The following FAM53A variants were observed in gnomAD, a reference collection of about 807,000 sequenced individuals.
FAM53A encodes the protein family with sequence similarity 53 member A, also known as protein FAM53A.
A neutral mutation model predicts 26.6 loss-of-function variants in FAM53A; 28 were observed. That is an observed-to-expected ratio of 1.05 (90% CI 0.78 to 1.45). The LOEUF is 1.45. Ranked by LOEUF, FAM53A falls within the 40% of genes most tolerant of loss-of-function variation. The pLI is 0.00. For synonymous variants in FAM53A, 290 were observed against 253.1 expected (o/e 1.15, Z -1.38); for missense variants, 650 against 575.8 (o/e 1.13, Z -1.32).
chr4:1,680,319 CAAAAAAAAAAAAAAA>C lies in FAM53A; in HGVS notation c.-165+3899_-165+3913del, dbSNP rs143458191. Among the ~76,000 whole-genome samples the C allele has an allele frequency of 2.8e-4, 23 of 82,662 alleles. 1 individual carries two copies. Among genetic ancestry groups the C allele is most frequent in the African/African-American group, 6.6e-4 (11 of 16,720 alleles). 54.2% of individuals were successfully genotyped at this position (82,662 alleles called of 152,430 possible). ...GGGCAACGAGAGTGAAACTCCGTCT[CAAAAAAAAAAAAAAA>C]AAAAAAAAAAACACACCACTACACA... On this transcript the variant is annotated intron_variant, in intron 1 of 4. Transcript: ENST00000308132.
the FAM53A span, among the ~76,000 whole-genome samples, chr4:1,599,224 G>A: frequency 6.8e-6 from 1 of 146,658 alleles, no homozygotes. The surrounding 1 kb of genome is among the most constrained non-coding windows in gnomAD (Gnocchi z 6.1). Flanking sequence ...GGGTGCCGGA[G>A]CGCAGGGCCG....
intron 4 of FAM53A, among the ~76,000 whole-genome samples, chr4:1,651,964 C>G (rs77181979): frequency 2.6e-5 from 4 of 151,048 alleles, no homozygotes; most frequent in Non-Finnish European, 4.4e-5. Context: ...CACACACACA[C>G]CATGCACGCA....
At chr4:1,652,226 C>CT (rs1712893984) in intron 4 of FAM53A, among the ~76,000 whole-genome samples, 1 of 132,356 alleles carries the variant, frequency 7.6e-6, no homozygotes, top group Non-Finnish European at 1.7e-5. Flanking sequence ...ACACCACACA[C>CT]ACTAGTCGCA....
chr4:1,625,728 G>T (rs879628512), intron 1 of FAM53A, among the ~76,000 whole-genome samples: 1 of 132,524 alleles, frequency 7.5e-6, no homozygotes, highest in Non-Finnish European at 1.6e-5. Flanking sequence ...TCAGGGTCAC[G>T]CCAGGTGATC....
chr4:1,607,539 A>G, the FAM53A span, among the ~76,000 whole-genome samples: 7 of 151,970 alleles, frequency 4.6e-5, no homozygotes, highest in East Asian at 1.9e-4. Flanking sequence ...TGAATTTTCC[A>G]TATCACATCC....
chr4:1,650,456 C>G (rs961026154), intron 4 of FAM53A, among the ~76,000 whole-genome samples: 1 of 150,558 alleles, frequency 6.6e-6, no homozygotes, highest in African/African-American at 2.4e-5. Flanking sequence ...TGAGGTGGCA[C>G]AGGCGTGGTG....
intron 3 of FAM53A, 147 bp from the exon 4 acceptor site, chr4:1,655,870 G>A (rs1008433816): frequency 2.0e-6 from 2 of 975,854 alleles, no homozygotes; most frequent in African/African-American, 3.4e-5. Flanking sequence ...AGATGTCCGT[G>A]GCGCACAGTG....
chr4:1,655,192 G>A lies in FAM53A; in HGVS notation c.668C>T (p.Ser223Phe), dbSNP rs1309850984. ...SCLPSTRRRP[S>F]LSQERLAGAG... ...ACCCGCGAGTCGCTCCTGTGAGAGG[G>A]ACGGGCGGCGCCTCGTGGAGGGCAA... The change falls in exon 4 of 5, where the codon TCC (serine) becomes TTC (phenylalanine). Residue 223 changes from serine (S) to phenylalanine (F), a missense_variant. Transcript: ENST00000308132. 1 of 1,563,202 alleles carries A rather than the reference G, an allele frequency of 6.4e-7. No individual in the cohort carries two copies. The highest frequency in any genetic ancestry group is 2.3e-5 in the East Asian group (1 of 43,108).
At position 1,645,546 on chromosome 4, in the gene FAM53A, T is replaced by C. The variant is rs1712164372; in HGVS notation, c.883-3939A>G. Among the ~76,000 whole-genome samples, 3 of 152,040 alleles carry C rather than the reference T, an allele frequency of 2.0e-5. 1 individual carries two copies. In the South Asian group the frequency reaches 6.2e-4, roughly 32 times the overall value. On this transcript the variant is annotated intron_variant, in intron 4 of 4. Transcript: ENST00000308132. Reference sequence around the variant, plus strand: ...CTGGAGAACAAAGATCCTCCCTGTCTCCCCAGCCCTCCACACAGAGGCAGA... The same window carrying C: ...CTGGAGAACAAAGATCCTCCCTGTCCCCCCAGCCCTCCACACAGAGGCAGA...
At chr4:1,637,670 C>A, downstream of FAM53A, among the ~76,000 whole-genome samples, 1 of 151,616 alleles carries the variant, frequency 6.6e-6, no homozygotes, top group South Asian at 2.1e-4. Flanking sequence ...TGGGCCACTG[C>A]AGCAGTGCTG....
chr4:1,644,165 C>G, intron 4 of FAM53A: 1 of 1,532,366 alleles, frequency 6.5e-7, no homozygotes, highest in Non-Finnish European at 8.7e-7. Flanking sequence ...ACACACGCAC[C>G]GGGGTGGCGG....
At chr4:1,635,304 C>T (rs1405934366), downstream of FAM53A, among the ~76,000 whole-genome samples, 3 of 152,248 alleles carry the variant, frequency 2.0e-5, no homozygotes, top group Admixed American at 6.5e-5. Context: ...GACAGGGTCT[C>T]GCACTGTCAT....
chr4:1,603,888 G>C, the FAM53A span, among the ~76,000 whole-genome samples: 1 of 152,232 alleles, frequency 6.6e-6, no homozygotes, highest in Non-Finnish European at 1.5e-5. Flanking sequence ...GATTGCTGCA[G>C]GCCTGACATT....
At chr4:1,617,816 C>T (rs75973009), downstream of FAM53A, 349 of 340,532 alleles carry the variant, frequency 1.0e-3, no homozygotes, top group African/African-American at 7.0e-3. Context: ...TCTCTTTCAG[C>T]GGTGAGGACA....
chr4:1,658,393 G>T (rs113939456), intron 2 of FAM53A, among the ~76,000 whole-genome samples: 1 of 152,172 alleles, frequency 6.6e-6, no homozygotes, highest in African/African-American at 2.4e-5. Flanking sequence ...CCTGCCTTTC[G>T]GCAGCCTCAG....
At chr4:1,662,131 C>T (rs1356950791) in intron 2 of FAM53A, among the ~76,000 whole-genome samples, 1 of 151,872 alleles carries the variant, frequency 6.6e-6, no homozygotes, top group African/African-American at 2.4e-5. Context: ...GAGGTGGAAA[C>T]CAGCCTGGGA....
At chr4:1,636,293 G>A (rs1715834753), downstream of FAM53A, among the ~76,000 whole-genome samples, 3 of 152,148 alleles carry the variant, frequency 2.0e-5, no homozygotes, top group African/African-American at 7.2e-5. Flanking sequence ...CTCAAGCCCA[G>A]GAGCCAGCAC....
At chr4:1,627,653 G>C (rs1382004819) in intron 1 of FAM53A, among the ~76,000 whole-genome samples, 1 of 152,190 alleles carries the variant, frequency 6.6e-6, no homozygotes, top group African/African-American at 2.4e-5. Context: ...TCCACACTGG[G>C]GCCAAGTGGC....
chr4:1,610,582 T>C, the FAM53A span, among the ~76,000 whole-genome samples: 72,279 of 150,290 alleles, frequency 0.48, 19,667 homozygotes, highest in African/African-American at 0.76. Context: ...GCAGTGGGGG[T>C]GGCCTGGGGT....
Sources: allele counts gnomAD v4.1 joint callset (sites outside exome capture counted in the v4.1 genomes callset), GRCh38; gene constraint gnomAD v4.1.1; non-coding constraint Gnocchi (gnomAD v3.1); transcripts MANE v1.5; gene names NCBI Gene and HGNC (gene_info 2026-07-23, HGNC 2026-07-21).